Variants in GPRC6A observed in about 807,000 individuals in gnomAD.
The protein encoded by GPRC6A is G protein-coupled receptor family C group 6 member A.
GPRC6A carries 54 observed loss-of-function variants against 47.0 expected under a neutral mutation model. The observed-to-expected ratio is 1.15, with a 90% confidence interval of 0.92 to 1.44. The LOEUF (loss-of-function observed/expected upper bound fraction) is 1.44, where lower values mean the gene tolerates loss of function less well. Among genes scored for constraint, GPRC6A ranks in the 40% most tolerant of loss-of-function variants. GPRC6A has a pLI of 0.00. For missense variants in GPRC6A, 1,112 were observed against 1,105.5 expected, an observed-to-expected ratio of 1.01 and a Z score of -0.08; for synonymous variants, 347 against 377.1, an observed-to-expected ratio of 0.92 and a Z score of 0.93.
At chr6:116,818,972 G>A (rs1341779726) in intron 1 of GPRC6A, among the ~76,000 whole-genome samples, 2 of 152,048 alleles carry the variant, frequency 1.3e-5, no homozygotes, top group Middle Eastern at 3.2e-3. Flanking sequence ...CATCTCACGT[G>A]CAGAGACACA....
chr6:116,796,636 T>C (rs964338382), intron 4 of GPRC6A, among the ~76,000 whole-genome samples: 6 of 152,196 alleles, frequency 3.9e-5, no homozygotes, highest in Non-Finnish European at 7.4e-5. Flanking sequence ...TTTCCTACTC[T>C]GGAACACAAC....
chr6:116,809,363 T>G lies in GPRC6A; in HGVS notation c.449A>C (p.Glu150Ala), dbSNP rs766684587. The G allele has an allele frequency of 6.2e-6, 10 of 1,613,716 alleles. No individual in the cohort carries two copies. Among genetic ancestry groups the G allele is most frequent in the Non-Finnish European group, 8.5e-6 (10 of 1,179,742 alleles). ...CATCCTGGAGACAGCCATAGTTATT[T>G]CTGAGTACCCAGAACCTATGACAGC... is the stretch of plus-strand genomic sequence containing the variant. ...VKAVIGSGYS[E>A]ITMAVSRMLN... is the part of the protein sequence containing the mutation. Residue 150 changes from glutamate to alanine, a missense_variant, in exon 2 of 6, where the codon GAA becomes GCA. Glu to Ala is a moderately radical substitution (Grantham distance 107, BLOSUM62 -1). Coordinates refer to ENST00000310357, the MANE Select transcript of GPRC6A (RefSeq NM_148963.4).
At chr6:116,813,580 T>A (rs545823191) in intron 1 of GPRC6A, among the ~76,000 whole-genome samples, 2 of 152,288 alleles carry the variant, frequency 1.3e-5, no homozygotes, top group Non-Finnish European at 1.5e-5. Flanking sequence ...ACCGGATCCC[T>A]TCCTTACACC....
In GPRC6A at chr6:116,793,005, G is replaced by A. The variant is rs1554261886; in HGVS notation, c.1918C>T (p.His640Tyr). ...CTCGTGCTGGCAAAATTGAGGAAATGACAGAGAAGGATCACATAGCAGACT... is the reference window on the plus strand; with the variant it reads ...CTCGTGCTGGCAAAATTGAGGAAATAACAGAGAAGGATCACATAGCAGACT... ...LRVCYVILLC[H>Y]FLNFASTSFF... Residue 640 changes from histidine to tyrosine, a missense_variant, in exon 6 of 6, where the codon CAT becomes TAT. By Grantham distance (83) the His-to-Tyr change is moderately conservative. Transcript: ENST00000310357. 7 of 1,614,076 alleles carry A rather than the reference G, an allele frequency of 4.3e-6. No individual in the cohort carries two copies. The highest frequency in any genetic ancestry group is 1.1e-5 in the South Asian group (1 of 91,076).
chr6:116,792,655 C>T lies in GPRC6A; in HGVS notation c.2268G>A (p.Leu756=), dbSNP rs756252507. 1.2e-5 allele frequency: 20 copies of T among 1,613,424 alleles called. No homozygotes were observed. The highest frequency in any genetic ancestry group is 1.7e-5 in the Admixed American group (1 of 59,910). ...TGAAGGCCAGGATGGCAATGTAGCC[C>T]AGCATGGTGCCAAATGCAAGTATGG... The part of the protein sequence containing the change: ...EGSILAFGTM[L]GYIAILAFIC... The change falls in exon 6 of 6, where the codon CTG becomes CTA. Residue 756 remains leucine (L), a synonymous_variant. Transcript: ENST00000310357.
chr6:116,827,470 G>A (rs1424717404), intron 1 of GPRC6A, among the ~76,000 whole-genome samples: 4 of 152,054 alleles, frequency 2.6e-5, no homozygotes, highest in African/African-American at 9.7e-5. Context: ...GTGTATTCAT[G>A]TTGGTGTGCC....
At chr6:116,826,477 A>C (rs1242315873) in intron 1 of GPRC6A, among the ~76,000 whole-genome samples, 1 of 152,064 alleles carries the variant, frequency 6.6e-6, no homozygotes, top group African/African-American at 2.4e-5. Flanking sequence ...TTGAAACCAC[A>C]ATGAGATATT....
intron 4 of GPRC6A, among the ~76,000 whole-genome samples, chr6:116,797,552 T>C (rs1354676906): frequency 1.3e-5 from 2 of 152,196 alleles, no homozygotes; most frequent in Non-Finnish European, 2.9e-5. Context: ...TATAGGTGTC[T>C]CCATCAGAAA....
intron 1 of GPRC6A, among the ~76,000 whole-genome samples, chr6:116,822,618 A>G (rs1299908235): frequency 6.9e-6 from 1 of 145,658 alleles, no homozygotes; most frequent in Admixed American, 7.0e-5. Flanking sequence ...AGAACAAAAA[A>G]CCAAACACCG....
At chr6:116,813,589 C>T (rs1279151534) in intron 1 of GPRC6A, among the ~76,000 whole-genome samples, 1 of 152,120 alleles carries the variant, frequency 6.6e-6, no homozygotes, top group Admixed American at 6.5e-5. Flanking sequence ...CTTCCTTACA[C>T]CTTATACAAA....
rs1277697791 is a variant in GPRC6A at position 116,800,276 on chromosome 6, C to T, written c.1548+308G>A. 1.6e-5 allele frequency among the ~76,000 whole-genome samples: 2 copies of T among 124,564 alleles called. 1 individual carries two copies. Among genetic ancestry groups the T allele is most frequent in the East Asian group, 5.0e-4 (2 of 3,972 alleles). The allele number at this position is 124,564 out of a possible 152,430, so 81.7% of individuals were successfully genotyped here. Reference sequence around the variant, plus strand: ...TCTCTTCCTTCCTTCCTCCCTCCCTCCCTCCCTTCCTTCCTCTCTTTCTCT... The same window carrying T: ...TCTCTTCCTTCCTTCCTCCCTCCCTTCCTCCCTTCCTTCCTCTCTTTCTCT... On this transcript the variant is annotated intron_variant, in intron 4 of 5. Transcript: ENST00000310357.
chr6:116,806,502 G>A lies in GPRC6A; in HGVS notation c.1203C>T (p.Asp401=). 1.2e-6 allele frequency: 2 copies of A among 1,613,578 alleles called. No individual in the cohort carries two copies. Among genetic ancestry groups the A allele is most frequent in the South Asian group, 2.2e-5 (2 of 91,082 alleles). ...CTGGCTCAGCATAGTCCCAGAGGAA[G>A]TCATTTCTCATGACGAAGTTCCTTT... The part of the protein sequence containing the change: ...AIERNFVMRN[D]FLWDYAEPGL... The change falls in exon 3 of 6, where the codon GAC becomes GAT. Residue 401 remains aspartate, a synonymous_variant. Transcript: ENST00000310357.
chr6:116,817,337 G>A (rs1287938228), intron 1 of GPRC6A, among the ~76,000 whole-genome samples: 1 of 152,008 alleles, frequency 6.6e-6, no homozygotes, highest in African/African-American at 2.4e-5. Flanking sequence ...CTGTCTGTTA[G>A]AAGGAAAACT....
intron 1 of GPRC6A, among the ~76,000 whole-genome samples, chr6:116,824,685 C>T (rs1252452376): frequency 6.6e-6 from 1 of 152,056 alleles, no homozygotes; most frequent in East Asian, 1.9e-4. Context: ...TAATAGTAAT[C>T]TTCCTCAAAC....
intron 3 of GPRC6A, among the ~76,000 whole-genome samples, chr6:116,805,150 A>G (rs1178564853): frequency 6.6e-6 from 1 of 152,052 alleles, no homozygotes; most frequent in Non-Finnish European, 1.5e-5. Flanking sequence ...GTCATCAGAC[A>G]TAACTATATA....
intron 1 of GPRC6A, among the ~76,000 whole-genome samples, chr6:116,815,728 C>T (rs562942515): frequency 3.7e-4 from 56 of 152,174 alleles, no homozygotes; most frequent in African/African-American, 1.3e-3. Flanking sequence ...GGAAACTATA[C>T]AAATCAGCAG....
intron 1 of GPRC6A, 46 bp from the exon 2 acceptor site, chr6:116,809,663 A>G (rs934586723): frequency 2.2e-6 from 3 of 1,375,184 alleles, no homozygotes; most frequent in Admixed American, 1.8e-5. Flanking sequence ...TAACTCTTCT[A>G]TGGACATGGC....
chr6:116,814,874 G>C (rs955354930), intron 1 of GPRC6A, among the ~76,000 whole-genome samples: 3 of 151,988 alleles, frequency 2.0e-5, no homozygotes, highest in Non-Finnish European at 4.4e-5. Context: ...TGAAAGTAAA[G>C]GGATAGAAAA....
At chr6:116,813,137 T>A (rs1274705768) in intron 1 of GPRC6A, among the ~76,000 whole-genome samples, 1 of 152,206 alleles carries the variant, frequency 6.6e-6, no homozygotes, top group Non-Finnish European at 1.5e-5. Context: ...GAATATTCCA[T>A]GCTCATGGAT....
Sources: gnomAD v4.1 joint callset for allele counts (sites outside exome capture counted in the v4.1 genomes callset) on GRCh38, gnomAD v4.1.1 for gene constraint, MANE v1.5 for transcripts, NCBI Gene and HGNC (gene_info 2026-07-23, HGNC 2026-07-21) for gene names.